USP15: variants seen among roughly 807,000 people sequenced by gnomAD.
The protein encoded by USP15 is ubiquitin carboxyl-terminal hydrolase 15.
A neutral mutation model predicts 127.1 loss-of-function variants in USP15; 18 were observed. That is an observed-to-expected ratio of 0.14 (90% CI 0.10 to 0.21). The LOEUF is 0.21. Among genes scored for constraint, USP15 ranks in the 10% least tolerant of loss-of-function variants. The pLI, the probability that USP15 is intolerant of heterozygous loss-of-function variation, is 1.00. For missense variants in USP15, 805 were observed against 1,159.9 expected (o/e 0.69, Z 4.44); for synonymous variants, 364 against 393.7 (o/e 0.92, Z 0.89).
intron 6 of USP15, among the ~76,000 whole-genome samples, chr12:62,342,371 A>G (rs1273989983): frequency 1.3e-5 from 2 of 152,194 alleles, no homozygotes; most frequent in African/African-American, 4.8e-5. Flanking sequence ...GCTTTAGCTC[A>G]GAGGAGTTTG....
chr12:62,389,369 T>A, intron 11 of USP15, 62 bp from the exon 12 acceptor site: 2 of 1,392,430 alleles, frequency 1.4e-6, no homozygotes, highest in Non-Finnish European at 2.0e-6. Context: ...ATGAGGTCAC[T>A]CTCATTTACT....
chr12:62,302,157 A>T (rs780035711), intron 2 of USP15, among the ~76,000 whole-genome samples: 16 of 152,144 alleles, frequency 1.1e-4, no homozygotes, highest in Admixed American at 2.0e-4. Flanking sequence ...GGTTCACAAG[A>T]TGCCCATTTG....
intron 1 of USP15, among the ~76,000 whole-genome samples, chr12:62,269,243 C>T (rs1173340012): frequency 6.6e-6 from 1 of 151,784 alleles, no homozygotes; most frequent in Non-Finnish European, 1.5e-5. Context: ...GGATGTATTG[C>T]CTATTGCTCC....
At position 62,302,358 on chromosome 12, in the gene USP15, T is replaced by C. The variant is rs1332262990; in HGVS notation, c.218-432T>C. ...TTGACTAACAGTTACTCCATAGTAT[T>C]TTTTAAAGAACCTAATAAAAGAATT... On this transcript the variant is annotated intron_variant, in intron 2 of 21. Coordinates refer to ENST00000280377, the MANE Select transcript of USP15 (RefSeq NM_001252078.2). Among the ~76,000 whole-genome samples, 4 of 152,332 alleles carry C rather than the reference T, an allele frequency of 2.6e-5. No individual in the cohort carries two copies. The East Asian group carries it at 7.7e-4, about 29-fold the overall frequency.
intron 21 of USP15, among the ~76,000 whole-genome samples, chr12:62,403,933 A>T (rs1211074644): frequency 6.6e-6 from 1 of 152,112 alleles, no homozygotes; most frequent in African/African-American, 2.4e-5. Flanking sequence ...TGTGTATCAC[A>T]GTTAGAACTG....
In USP15 at chr12:62,341,123, A is replaced by T. The variant is rs373416873; in HGVS notation, c.684-8098A>T. ...TTGTGGCATTGATCCCTTTACCGTT[A>T]TGTAATGCCCTTCTTTGTCTTTTTT... is the stretch of plus-strand genomic sequence containing the variant. On this transcript the variant is annotated intron_variant, in intron 6 of 21. Transcript: ENST00000280377. Among the ~76,000 whole-genome samples, 4 of 151,842 alleles carry T rather than the reference A, an allele frequency of 2.6e-5. No homozygotes were observed. The East Asian group carries it at 7.7e-4, about 29-fold the overall frequency.
rs1305126912 is a variant in USP15 at position 62,406,710 on chromosome 12, A to C, written c.*2335A>C. 1 of 152,418 alleles carries C rather than the reference A, an allele frequency of 6.6e-6. No individual in the cohort carries two copies. Among genetic ancestry groups the C allele is most frequent in the Non-Finnish European group, 1.5e-5 (1 of 68,202 alleles). The allele number at this position is 152,418 out of a possible 1,614,324, so 9.4% of individuals were successfully genotyped here. The stretch of plus-strand genomic sequence containing the variant: ...CACGGTGGTTCATGCCTGTAATCCC[A>C]GCACTTTGGGAGACTCAGGCGGGAG... On this transcript the variant is annotated 3_prime_UTR_variant, in exon 22 of 22. Coordinates refer to ENST00000280377, the MANE Select transcript of USP15 (RefSeq NM_001252078.2).
intron 6 of USP15, chr12:62,336,174 T>G: frequency 1.0e-6 from 1 of 985,426 alleles, no homozygotes; most frequent in Non-Finnish European, 1.2e-6. Context: ...CAAAATTAGG[T>G]GATTCTATGC....
intron 6 of USP15, among the ~76,000 whole-genome samples, chr12:62,339,932 ATTG>A (rs2065596396): frequency 6.6e-6 from 1 of 152,010 alleles, no homozygotes; most frequent in South Asian, 2.1e-4. Context: ...CTCTTTTTCA[ATTG>A]TTTGGAATAT....
Position 62,391,822 on chromosome 12 carries a change from C to T in USP15, c.2240C>T (p.Ser747Phe). The T allele has an allele frequency of 1.9e-6, 3 of 1,605,492 alleles. No individual in the cohort carries two copies. Among genetic ancestry groups the T allele is most frequent in the Non-Finnish European group, 1.7e-6 (2 of 1,175,690 alleles). ...DDRQLRLDERSFLALDWDPDL... is the reference protein window; with the variant it reads ...DDRQLRLDERFFLALDWDPDL... ...AATATGTTTTCCACCTTAGAAAGAT[C>T]TTTTCTTGCTTTGGATTGGGATCCT... The change falls in exon 17 of 22, where the codon TCT (serine) becomes TTT (phenylalanine). Residue 747 changes from serine (S) to phenylalanine (F), a missense_variant. Coordinates refer to ENST00000280377, the MANE Select transcript of USP15 (RefSeq NM_001252078.2).
At chr12:62,286,671 CTCATGCCTGT>C (rs1404108861) in intron 1 of USP15, among the ~76,000 whole-genome samples, 1 of 152,176 alleles carries the variant, frequency 6.6e-6, no homozygotes, top group African/African-American at 2.4e-5. Context: ...GGCGTGGTGG[CTCATGCCTGT>C]AATCCCAGCA....
At position 62,404,241 on chromosome 12, in the gene USP15, G is replaced by A. The variant is rs1266822115; in HGVS notation, c.2812G>A (p.Gly938Arg). Residue 938 changes from glycine to arginine, a missense_variant, in exon 22 of 22, where the codon GGA (glycine) becomes AGA (arginine). Physicochemically the swap from Gly to Arg is moderately radical, Grantham distance 125. Transcript: ENST00000280377. ...CTACCAGAGACAAGACACTTTCAGT[G>A]GAACTGGCTTTTTTCCTCTTGACCG... ...LFYQRQDTFS[G>R]TGFFPLDRET... The A allele has an allele frequency of 6.2e-7, 1 of 1,613,138 alleles. No homozygotes were observed. Among genetic ancestry groups the A allele is most frequent in the Non-Finnish European group, 8.5e-7 (1 of 1,179,402 alleles).
At chr12:62,372,164 A>G (rs995709538) in intron 8 of USP15, among the ~76,000 whole-genome samples, 1 of 152,164 alleles carries the variant, frequency 6.6e-6, no homozygotes, top group Non-Finnish European at 1.5e-5. Context: ...ATTCCCAAAG[A>G]TTGCACAGTA....
intron 8 of USP15, among the ~76,000 whole-genome samples, chr12:62,371,933 C>G (rs1343062788): frequency 6.6e-6 from 1 of 152,050 alleles, no homozygotes; most frequent in African/African-American, 2.4e-5. Context: ...TATTCCAAGA[C>G]TTAGTTTCTT....
intron 8 of USP15, among the ~76,000 whole-genome samples, chr12:62,356,221 G>C (rs1311056146): frequency 2.0e-5 from 3 of 151,620 alleles, no homozygotes; most frequent in Non-Finnish European, 4.4e-5. Flanking sequence ...TCAGTCTCTT[G>C]TGAATTCTGG....
chr12:62,278,390 C>T (rs1203013443), intron 1 of USP15, among the ~76,000 whole-genome samples: 1 of 152,150 alleles, frequency 6.6e-6, no homozygotes, highest in African/African-American at 2.4e-5. Context: ...TACATAAACT[C>T]ATAACAGTTG....
chr12:62,271,890 T>C (rs924821539), intron 1 of USP15, among the ~76,000 whole-genome samples: 12 of 151,866 alleles, frequency 7.9e-5, no homozygotes, highest in Admixed American at 2.0e-4. Flanking sequence ...GTGATGGATT[T>C]AATGTGTGGA....
chr12:62,402,900 A>G (rs1592745187), intron 21 of USP15, among the ~76,000 whole-genome samples: 2 of 152,108 alleles, frequency 1.3e-5, no homozygotes, highest in African/African-American at 4.8e-5. Flanking sequence ...TTAAGCAATT[A>G]AAATAGTAGT....
rs2068051172 is a variant in USP15 at position 62,411,998 on chromosome 12, C to T, written c.*7623C>T. The T allele has an allele frequency of 6.6e-6, 1 of 152,132 alleles. No individual in the cohort carries two copies. Among genetic ancestry groups the T allele is most frequent in the African/African-American group, 2.4e-5 (1 of 41,424 alleles). 9.4% of individuals were successfully genotyped at this position (152,132 alleles called of 1,614,324 possible). On this transcript the variant is annotated 3_prime_UTR_variant, in exon 22 of 22. Coordinates refer to ENST00000280377, the MANE Select transcript of USP15 (RefSeq NM_001252078.2). ...CTTCAACCTGAATTTGGAGGTGACA[C>T]AGTTGAGCCCATAGCAGATATATTT...
Sources: allele counts gnomAD v4.1 joint callset (sites outside exome capture counted in the v4.1 genomes callset), GRCh38; gene constraint gnomAD v4.1.1; transcripts MANE v1.5; gene names NCBI Gene and HGNC (gene_info 2026-07-23, HGNC 2026-07-21).